FEZ2: variants seen among roughly 807,000 people sequenced by gnomAD.
The protein encoded by FEZ2 is fasciculation and elongation protein zeta 2.
In FEZ2, 51 loss-of-function variants were observed where a neutral mutation model predicts 40.4. The observed-to-expected ratio is 1.26, with a 90% confidence interval of 1.01 to 1.59. The LOEUF (loss-of-function observed/expected upper bound fraction) is 1.59, where lower values mean the gene tolerates loss of function less well. FEZ2 is among the 40% of genes most tolerant of loss of function. FEZ2 has a pLI of 0.00. For missense variants in FEZ2, 640 were observed against 438.3 expected (o/e 1.46, Z -4.11); for synonymous variants, 242 against 172.0 (o/e 1.41, Z -3.18).
chr2:36,561,072 G>GT (rs1158353254), intron 5 of FEZ2, among the ~76,000 whole-genome samples: 1 of 152,224 alleles, frequency 6.6e-6, no homozygotes, highest in Non-Finnish European at 1.5e-5. Flanking sequence ...AAAAGCAACT[G>GT]TTTTTATGCT....
chr2:36,560,643 T>C, intron 5 of FEZ2: 1 of 505,644 alleles, frequency 2.0e-6, no homozygotes, highest in South Asian at 4.1e-5. Flanking sequence ...AGACTATAAA[T>C]ATAATGAACT....
At chr2:36,574,343 A>G (rs1279979730) in intron 5 of FEZ2, among the ~76,000 whole-genome samples, 2 of 152,240 alleles carry the variant, frequency 1.3e-5, no homozygotes, top group Admixed American at 6.5e-5. Flanking sequence ...ATAGAAATAT[A>G]TATTTGCAAG....
At chr2:36,571,565 G>T (rs1668411227) in intron 5 of FEZ2, among the ~76,000 whole-genome samples, 1 of 152,040 alleles carries the variant, frequency 6.6e-6, no homozygotes, top group African/African-American at 2.4e-5. Flanking sequence ...TGAGGCAGGA[G>T]AACCGCTTGA....
At position 36,593,078 on chromosome 2, in the gene FEZ2, C is replaced by T. The variant is rs530580742; in HGVS notation, c.267-2067G>A. ...CATACCTTCCTGGATAAGAAATTTT[C>T]AAACACTGAATGACTGTATAGTCCA... On this transcript the variant is annotated intron_variant, in intron 1 of 7. Transcript: ENST00000405912. Among the ~76,000 whole-genome samples the T allele has an allele frequency of 1.6e-3, 245 of 152,274 alleles. 2 individuals carry two copies. Among genetic ancestry groups the T allele is most frequent in the African/African-American group, 5.5e-3 (228 of 41,558 alleles).
chr2:36,572,317 G>A (rs1238443015), intron 5 of FEZ2, among the ~76,000 whole-genome samples: 1 of 152,070 alleles, frequency 6.6e-6, no homozygotes, highest in Admixed American at 6.6e-5. Context: ...TGCTGAAGGG[G>A]CCCCAAGAAA....
rs146527526 is a variant in FEZ2, at chr2:36,562,171, T to C, written c.904-3658A>G. On this transcript the variant is annotated intron_variant, in intron 5 of 7. Transcript: ENST00000405912. ...TTGACAAAAATGCACAGCAATGATA[T>C]TTTTTCATGATTTTGTAAAATATTA... Among the ~76,000 whole-genome samples, 927 of 152,328 alleles carry C rather than the reference T, an allele frequency of 6.1e-3. 4 individuals are homozygous for C. The highest frequency in any genetic ancestry group is 9.7e-3 in the Non-Finnish European group (661 of 68,038).
intron 7 of FEZ2, among the ~76,000 whole-genome samples, chr2:36,554,750 T>C (rs1667910991): frequency 6.6e-6 from 1 of 152,338 alleles, no homozygotes; most frequent in South Asian, 2.1e-4. Context: ...ACCCTGTGTA[T>C]ACTACTGAGG....
intron 5 of FEZ2, among the ~76,000 whole-genome samples, chr2:36,576,968 A>C (rs1456561569): frequency 6.6e-6 from 1 of 152,250 alleles, no homozygotes; most frequent in Non-Finnish European, 1.5e-5. Context: ...AGAAATTACC[A>C]ACCATGCTAT....
chr2:36,581,502 C>T, intron 3 of FEZ2, 71 bp from the exon 4 acceptor site: 2 of 1,346,748 alleles, frequency 1.5e-6, no homozygotes, highest in Non-Finnish European at 2.1e-6. Context: ...ACACAGTGCT[C>T]ACCTAAGGCA....
At position 36,597,944 on chromosome 2, in the gene FEZ2, G is replaced by C. The variant is rs1669285992; in HGVS notation, c.199C>G (p.Pro67Ala). The change falls in exon 1 of 8, where the codon CCG becomes GCG. Residue 67 changes from proline to alanine, a missense_variant. Physicochemically the swap from Pro to Ala is conservative, Grantham distance 27. Transcript: ENST00000405912. Reference protein sequence around the residue: ...KLSLCFRPSDPGAEPPRTAVR... With the variant: ...KLSLCFRPSDAGAEPPRTAVR... ...GCCGTCCTCGGGGGCTCGGCGCCCG[G>C]ATCCGAGGGGCGGAAGCACAGGCTC... 1 of 1,455,388 alleles carries C rather than the reference G, an allele frequency of 6.9e-7. No homozygotes were observed. The highest frequency in any genetic ancestry group is 9.0e-7 in the Non-Finnish European group (1 of 1,110,722). The allele number at this position is 1,455,388 out of a possible 1,614,324, so 90.2% of individuals were successfully genotyped here.
At chr2:36,570,452 T>C (rs972394658) in intron 5 of FEZ2, among the ~76,000 whole-genome samples, 2 of 152,196 alleles carry the variant, frequency 1.3e-5, no homozygotes, top group Admixed American at 6.5e-5. Flanking sequence ...AAACTAATTA[T>C]TGCCAAATAT....
At chr2:36,580,690 A>G (rs913900626) in intron 4 of FEZ2, among the ~76,000 whole-genome samples, 4 of 152,232 alleles carry the variant, frequency 2.6e-5, no homozygotes, top group African/African-American at 9.6e-5. Flanking sequence ...CACTTCAAAT[A>G]TGATGGGGTT....
intron 1 of FEZ2, among the ~76,000 whole-genome samples, chr2:36,596,377 CTCCTG>C (rs897834342): frequency 3.3e-5 from 5 of 152,210 alleles, no homozygotes; most frequent in African/African-American, 1.2e-4. Context: ...GTGCCCGTGA[CTCCTG>C]TCCTGTCTCT....
At chr2:36,578,153 C>T (rs2125233690) in intron 5 of FEZ2, among the ~76,000 whole-genome samples, 1 of 152,304 alleles carries the variant, frequency 6.6e-6, no homozygotes, top group African/African-American at 2.4e-5. Context: ...ACAATTTGTG[C>T]CTTGAGCAGA....
intron 1 of FEZ2, chr2:36,594,563 G>C (rs1378381421): frequency 6.3e-6 from 1 of 159,310 alleles, no homozygotes; most frequent in African/African-American, 2.4e-5. Context: ...ACTATCATGA[G>C]AATAGCATAG....
intron 2 of FEZ2, chr2:36,589,870 T>C (rs1669015142): frequency 1.3e-5 from 2 of 152,206 alleles, no homozygotes; most frequent in Admixed American, 1.3e-4. Context: ...ATATTCTCAA[T>C]AATCACATAA....
chr2:36,573,682 C>T (rs1353463920), intron 5 of FEZ2, among the ~76,000 whole-genome samples: 1 of 152,216 alleles, frequency 6.6e-6, no homozygotes, highest in African/African-American at 2.4e-5. Flanking sequence ...GATTACAACA[C>T]AGTGTGGTAC....
At chr2:36,566,598 C>CAG (rs1558445192) in intron 5 of FEZ2, among the ~76,000 whole-genome samples, 1 of 152,206 alleles carries the variant, frequency 6.6e-6, no homozygotes, top group East Asian at 1.9e-4. Context: ...CAAAACGCTA[C>CAG]AGCGATCATT....
intron 2 of FEZ2, among the ~76,000 whole-genome samples, chr2:36,587,866 C>T (rs549087021): frequency 1.3e-5 from 2 of 152,056 alleles, no homozygotes; most frequent in East Asian, 1.9e-4. Context: ...GTCCTTATTG[C>T]CCATTTGTTT....
Sources: allele counts gnomAD v4.1 joint callset (sites outside exome capture counted in the v4.1 genomes callset), GRCh38; gene constraint gnomAD v4.1.1; transcripts MANE v1.5; gene names NCBI Gene and HGNC (gene_info 2026-07-23, HGNC 2026-07-21).